The following TXNDC9 variants were observed in gnomAD, a reference collection of about 807,000 sequenced individuals.
The protein encoded by TXNDC9 is thioredoxin domain-containing protein 9.
In TXNDC9, 7 loss-of-function variants were observed where a neutral mutation model predicts 23.0. That is an observed-to-expected ratio of 0.30 (90% CI 0.17 to 0.57). The LOEUF is 0.57. Ranked by LOEUF, TXNDC9 falls within the 20% of genes least tolerant of loss-of-function variation. The pLI is 0.90. For missense variants in TXNDC9, 198 were observed against 252.6 expected (o/e 0.78, Z 1.47); for synonymous variants, 72 against 90.6 (o/e 0.79, Z 1.17).
At chr2:99,323,268 G>A (rs2094206557) in intron 3 of TXNDC9, among the ~76,000 whole-genome samples, 1 of 151,954 alleles carries the variant, frequency 6.6e-6, no homozygotes, top group African/African-American at 2.4e-5. Context: ...TTAGCTGGGT[G>A]TGGTGGTGCA....
intron 1 of TXNDC9, among the ~76,000 whole-genome samples, chr2:99,335,769 G>A (rs1397620733): frequency 6.6e-6 from 1 of 152,228 alleles, no homozygotes; most frequent in Non-Finnish European, 1.5e-5. Context: ...ATTAAGAAGA[G>A]CTATTCTGGG....
chr2:99,323,490 C>A (rs2094207020), intron 3 of TXNDC9, among the ~76,000 whole-genome samples: 2 of 152,126 alleles, frequency 1.3e-5, no homozygotes, highest in South Asian at 4.1e-4. Flanking sequence ...AATCCCAACA[C>A]TTTGGGAGGC....
intron 3 of TXNDC9, among the ~76,000 whole-genome samples, chr2:99,325,508 G>A (rs1442410703): frequency 6.6e-6 from 1 of 152,174 alleles, no homozygotes; most frequent in Non-Finnish European, 1.5e-5. Flanking sequence ...AATATATAAA[G>A]TTCACTGGAT....
chr2:99,306,525 G>A, the TXNDC9 span, among the ~76,000 whole-genome samples: 1 of 152,148 alleles, frequency 6.6e-6, no homozygotes, highest in Non-Finnish European at 1.5e-5. Context: ...GGTGTGGTGA[G>A]GGAGGGGGCT....
chr2:99,328,747 G>A (rs946725280), intron 2 of TXNDC9, among the ~76,000 whole-genome samples: 71 of 151,526 alleles, frequency 4.7e-4, no homozygotes, highest in African/African-American at 1.7e-3. Flanking sequence ...AGGCTGAGGC[G>A]GCTGGATCAC....
chr2:99,328,332 GT>G (rs1401301517), intron 2 of TXNDC9, among the ~76,000 whole-genome samples: 8 of 151,066 alleles, frequency 5.3e-5, no homozygotes, highest in Non-Finnish European at 7.4e-5. Flanking sequence ...AAACTCCTCG[GT>G]TCAAGCAATC....
the TXNDC9 span, among the ~76,000 whole-genome samples, chr2:99,309,719 C>T: frequency 3.3e-3 from 498 of 152,230 alleles, 1 homozygote; most frequent in Non-Finnish European, 4.9e-3. Context: ...CAGAGTCTCA[C>T]TCTATTGCTC....
At chr2:99,318,446 TTA>T (rs1254359725), downstream of TXNDC9, among the ~76,000 whole-genome samples, 7 of 152,302 alleles carry the variant, frequency 4.6e-5, no homozygotes, top group African/African-American at 1.7e-4. Flanking sequence ...AGTGCTGGGA[TTA>T]TAGGCGTGAG....
rs1417916073 is a variant in TXNDC9 at position 99,319,766 on chromosome 2, T to C, written c.597A>G (p.Gln199=). ...TTGTGAAGTTTGTTCCAAATTTCTT[T>C]TGGTTCTGAAATGGTGGCTCCATTA... ...GNLMEPPFQN[Q]KKFGTNFTKL... is the part of the protein sequence containing the mutation. The change falls in exon 5 of 5, where the codon CAA becomes CAG. Residue 199 remains glutamine, a synonymous_variant. Transcript: ENST00000264255. The C allele has an allele frequency of 6.2e-7, 1 of 1,602,228 alleles. No individual in the cohort carries two copies. The highest frequency in any genetic ancestry group is 8.5e-7 in the Non-Finnish European group (1 of 1,176,930).
chr2:99,333,799 C>T (rs1461153141), intron 1 of TXNDC9, among the ~76,000 whole-genome samples: 1 of 152,062 alleles, frequency 6.6e-6, no homozygotes, highest in Non-Finnish European at 1.5e-5. Context: ...AAGAAGAGTG[C>T]CTGGTGTTCC....
At chr2:99,324,642 CT>C (rs2094209478) in intron 3 of TXNDC9, among the ~76,000 whole-genome samples, 1 of 152,164 alleles carries the variant, frequency 6.6e-6, no homozygotes, top group Non-Finnish European at 1.5e-5. Flanking sequence ...GGCACGACCT[CT>C]GCTCACTGCA....
chr2:99,325,850 A>G (rs2105322450), intron 3 of TXNDC9, among the ~76,000 whole-genome samples: 1 of 152,220 alleles, frequency 6.6e-6, no homozygotes, highest in Middle Eastern at 3.4e-3. Context: ...GTCTCTACTA[A>G]AAAGACAAAA....
chr2:99,332,934 C>T (rs1006024934), intron 2 of TXNDC9, 88 bp downstream of exon 2: 42 of 1,109,194 alleles, frequency 3.8e-5, no homozygotes, highest in East Asian at 2.4e-5. Context: ...ACACAAAGAA[C>T]GAAATGTAAC....
At chr2:99,334,930 G>A (rs1332241752) in intron 1 of TXNDC9, among the ~76,000 whole-genome samples, 1 of 152,162 alleles carries the variant, frequency 6.6e-6, no homozygotes, top group Non-Finnish European at 1.5e-5. Flanking sequence ...TAGCCAGGAT[G>A]GCTACGATCT....
intron 2 of TXNDC9, among the ~76,000 whole-genome samples, chr2:99,331,081 T>C (rs949339511): frequency 6.6e-6 from 1 of 152,214 alleles, no homozygotes; most frequent in Non-Finnish European, 1.5e-5. Context: ...TTAACGTATG[T>C]TCATCACTGC....
chr2:99,308,815 C>T, the TXNDC9 span, among the ~76,000 whole-genome samples: 345 of 151,966 alleles, frequency 2.3e-3, 4 homozygotes, highest in African/African-American at 8.1e-3. Flanking sequence ...GGGTTCATGC[C>T]ATTCTCCTGC....
chr2:99,322,757 CT>C (rs1559234090), intron 3 of TXNDC9: 1 of 1,367,184 alleles, frequency 7.3e-7, no homozygotes. Flanking sequence ...CCAGTAGTAA[CT>C]TTTTTATTTT....
chr2:99,333,618 A>G (rs2094231191), intron 1 of TXNDC9, among the ~76,000 whole-genome samples: 1 of 152,230 alleles, frequency 6.6e-6, no homozygotes, highest in Non-Finnish European at 1.5e-5. Context: ...GAGAAATCAG[A>G]AACAACTGCG....
chr2:99,316,750 A>AT (rs1436100297), downstream of TXNDC9, among the ~76,000 whole-genome samples: 1 of 151,538 alleles, frequency 6.6e-6, no homozygotes, highest in African/African-American at 2.4e-5. Context: ...TGGCCCTTTT[A>AT]TTTATTTTAT....
Sources: gnomAD v4.1 joint callset for allele counts (sites outside exome capture counted in the v4.1 genomes callset) on GRCh38, gnomAD v4.1.1 for gene constraint, MANE v1.5 for transcripts, NCBI Gene and HGNC (gene_info 2026-07-23, HGNC 2026-07-21) for gene names.